Variants in INPP4B observed in about 807,000 individuals in gnomAD.
The protein encoded by INPP4B is inositol polyphosphate 4-phosphatase type II.
Under a neutral mutation model 122.5 loss-of-function variants are expected in INPP4B, and 55 were observed. That is an observed-to-expected ratio of 0.45 (90% CI 0.36 to 0.56). The LOEUF (loss-of-function observed/expected upper bound fraction) is 0.56, where lower values mean the gene tolerates loss of function less well. Ranked by LOEUF, INPP4B falls within the 20% of genes least tolerant of loss-of-function variation. The probability of loss-of-function intolerance (pLI) is 0.00; values close to 1 mark genes in which losing one functional copy is unlikely to be tolerated. For synonymous variants in INPP4B, 403 were observed against 388.7 expected, an observed-to-expected ratio of 1.04 and a Z score of -0.43; for missense variants, 1,000 against 1,097.7, an observed-to-expected ratio of 0.91 and a Z score of 1.26.
At position 142,124,681 on chromosome 4, in the gene INPP4B, C is replaced by T. The variant is rs2152759691; in HGVS notation, c.1800G>A (p.Gln600=). 1 of 1,612,996 alleles carries T rather than the reference C, an allele frequency of 6.2e-7. No individual in the cohort carries two copies. The highest frequency in any genetic ancestry group is 8.5e-7 in the Non-Finnish European group (1 of 1,179,316). The change falls in exon 19 of 26, where the codon CAG becomes CAA. Residue 600 remains glutamine (Q), a synonymous_variant. Coordinates refer to ENST00000262992, the MANE Select transcript of INPP4B (RefSeq NM_001101669.3). The stretch of plus-strand genomic sequence containing the variant: ...CCTGAAGGAGCACAAATGTCAGGGA[C>T]TGCTTGGCTCGGTTCACCACTTCTC... ...CMGEVVNRAK[Q]SLTFVLLQEL...
At chr4:142,441,657 A>C (rs1411756776) in intron 3 of INPP4B, among the ~76,000 whole-genome samples, 2 of 152,088 alleles carry the variant, frequency 1.3e-5, no homozygotes, top group South Asian at 2.1e-4. Context: ...ATTAATCTTA[A>C]GGTGCAAAAA....
chr4:142,389,307 C>G (rs1354633615), intron 7 of INPP4B, among the ~76,000 whole-genome samples: 1 of 150,320 alleles, frequency 6.7e-6, no homozygotes, highest in Non-Finnish European at 1.5e-5. Context: ...CTTACAACTA[C>G]TGGATCTTCT....
chr4:142,494,085 T>A (rs754246478), intron 2 of INPP4B, among the ~76,000 whole-genome samples: 2 of 152,180 alleles, frequency 1.3e-5, no homozygotes, highest in Non-Finnish European at 2.9e-5. Context: ...ACTGCTGCCA[T>A]TTGAAGAAGA....
chr4:142,139,209 C>A (rs918597653), intron 18 of INPP4B, among the ~76,000 whole-genome samples: 1 of 152,146 alleles, frequency 6.6e-6, no homozygotes, highest in Non-Finnish European at 1.5e-5. Context: ...TCTTTCTTTT[C>A]CAACCAATAC....
chr4:142,128,312 ATGTG>A (rs1422778655), intron 18 of INPP4B, among the ~76,000 whole-genome samples: 8 of 150,984 alleles, frequency 5.3e-5, no homozygotes, highest in Non-Finnish European at 8.8e-5. Context: ...AGAAGAGTGG[ATGTG>A]TGTATTTCAG....
chr4:142,167,206 ACAG>A lies in INPP4B; in HGVS notation c.1359+6423_1359+6425del, dbSNP rs1394141417. ...GTACATACACACCATGGAATACTACACAGTTATAAAAAGGAACAAGATCATGTC... is the reference window on the plus strand; with the variant it reads ...GTACATACACACCATGGAATACTACATTATAAAAAGGAACAAGATCATGTC... On this transcript the variant is annotated intron_variant, in intron 16 of 25. Transcript: ENST00000262992. Among the ~76,000 whole-genome samples the A allele has an allele frequency of 1.2e-3, 185 of 148,350 alleles. 2 individuals are homozygous for A. The South Asian group carries it at 0.021, about 17-fold the overall frequency.
At chr4:142,610,951 A>G (rs1204889032) in intron 2 of INPP4B, among the ~76,000 whole-genome samples, 1 of 152,214 alleles carries the variant, frequency 6.6e-6, no homozygotes, top group African/African-American at 2.4e-5. Context: ...AATATGTATT[A>G]GTCCATTCTT....
chr4:142,523,800 C>T (rs7668914), intron 2 of INPP4B, among the ~76,000 whole-genome samples: 35,995 of 118,882 alleles, frequency 0.3, 6,267 homozygotes, highest in East Asian at 0.78. Flanking sequence ...AATGCTATCC[C>T]TCCCCCCTCC....
At chr4:142,389,370 C>G (rs1016111465) in intron 7 of INPP4B, among the ~76,000 whole-genome samples, 1 of 151,850 alleles carries the variant, frequency 6.6e-6, no homozygotes, top group Non-Finnish European at 1.5e-5. Flanking sequence ...CGTAAAAGAG[C>G]TCTAATTAAT....
chr4:142,744,776 G>T (rs1768445547), intron 1 of INPP4B, among the ~76,000 whole-genome samples: 1 of 151,504 alleles, frequency 6.6e-6, no homozygotes, highest in African/African-American at 2.4e-5. Flanking sequence ...AAATAAAAAA[G>T]GGAAAAATTA....
chr4:142,149,401 AGAAT>A (rs1812569771), intron 17 of INPP4B, among the ~76,000 whole-genome samples: 1 of 152,234 alleles, frequency 6.6e-6, no homozygotes, highest in Non-Finnish European at 1.5e-5. Context: ...AGAGATAAAG[AGAAT>A]TCTGGTAAGA....
chr4:142,469,190 A>G (rs1818359867), intron 2 of INPP4B, among the ~76,000 whole-genome samples: 1 of 152,068 alleles, frequency 6.6e-6, no homozygotes, highest in South Asian at 2.1e-4. Context: ...TCAAGGATGC[A>G]AGGTAAATTT....
At chr4:142,794,933 G>C (rs1345573262) in intron 1 of INPP4B, among the ~76,000 whole-genome samples, 1 of 140,658 alleles carries the variant, frequency 7.1e-6, no homozygotes. Flanking sequence ...CTTTTTTCAT[G>C]TTATATATAT....
chr4:142,471,324 C>G (rs890716041), intron 2 of INPP4B, among the ~76,000 whole-genome samples: 3 of 152,012 alleles, frequency 2.0e-5, no homozygotes, highest in African/African-American at 7.3e-5. Context: ...AAAACAAAAC[C>G]TAGCATACCA....
intron 7 of INPP4B, among the ~76,000 whole-genome samples, chr4:142,339,395 G>A (rs897142003): frequency 6.6e-6 from 1 of 152,150 alleles, no homozygotes; most frequent in Admixed American, 6.5e-5. Flanking sequence ...AAAGCACATA[G>A]AAGCACAAGT....
chr4:142,449,753 A>T (rs1268273759), intron 3 of INPP4B, among the ~76,000 whole-genome samples: 1 of 152,170 alleles, frequency 6.6e-6, no homozygotes, highest in Non-Finnish European at 1.5e-5. Context: ...TGCACACTTA[A>T]TCTTGACAAG....
intron 1 of INPP4B, among the ~76,000 whole-genome samples, chr4:142,786,787 A>G (rs911918824): frequency 6.6e-6 from 1 of 152,136 alleles, no homozygotes; most frequent in African/African-American, 2.4e-5. Flanking sequence ...AACACAATAG[A>G]CAAGTCTAAA....
chr4:142,095,550 A>G (rs562955156), intron 23 of INPP4B, among the ~76,000 whole-genome samples: 20 of 152,240 alleles, frequency 1.3e-4, no homozygotes, highest in African/African-American at 4.8e-4. Flanking sequence ...TATTTTCAGT[A>G]TCCATCTTAC....
chr4:142,324,015 G>A (rs1366009437), intron 7 of INPP4B, among the ~76,000 whole-genome samples: 1 of 152,076 alleles, frequency 6.6e-6, no homozygotes, highest in Non-Finnish European at 1.5e-5. Flanking sequence ...TTTGAGATAG[G>A]GCCTTTACAG....
Sources: allele counts gnomAD v4.1 joint callset (sites outside exome capture counted in the v4.1 genomes callset), GRCh38; gene constraint gnomAD v4.1.1; transcripts MANE v1.5; gene names NCBI Gene and HGNC (gene_info 2026-07-23, HGNC 2026-07-21).